ARFGAP2: variants seen among roughly 807,000 people sequenced by gnomAD.
ARFGAP2 encodes ADP-ribosylation factor GTPase-activating protein 2.
In ARFGAP2, 45 loss-of-function variants were observed where a neutral mutation model predicts 71.9. That is an observed-to-expected ratio of 0.63 (90% CI 0.49 to 0.80). The LOEUF (loss-of-function observed/expected upper bound fraction) is 0.80. ARFGAP2 is among the 30% of genes least tolerant of loss of function. ARFGAP2 has a pLI of 0.00. For missense variants in ARFGAP2, 633 were observed against 673.9 expected, an observed-to-expected ratio of 0.94 and a Z score of 0.67; for synonymous variants, 248 against 249.2, an observed-to-expected ratio of 1.00 and a Z score of 0.05.
intron 10 of ARFGAP2, among the ~76,000 whole-genome samples, chr11:47,170,368 G>A (rs566678970): frequency 5.3e-5 from 8 of 150,334 alleles, no homozygotes; most frequent in East Asian, 2.0e-4. Flanking sequence ...AAAGAAAGCC[G>A]GGCACCGTGG....
In ARFGAP2 at chr11:47,164,508, A is replaced by C. The variant is rs1259123608; in HGVS notation, c.*974T>G. 3.2e-6 allele frequency: 1 copy of C among 314,014 alleles called. No homozygotes were observed. Among genetic ancestry groups the C allele is most frequent in the Non-Finnish European group, 6.0e-6 (1 of 167,644 alleles). 19.5% of individuals were successfully genotyped at this position (314,014 alleles called of 1,614,324 possible). On this transcript the variant is annotated 3_prime_UTR_variant, in exon 16 of 16. Transcript: ENST00000524782. ...GGTGCGGCAGGGGAAGATGGCACCA[A>C]GAATGACAGTGCTTGGCTCAGCTGC... is the stretch of plus-strand genomic sequence containing the variant.
chr11:47,175,163 C>T lies in ARFGAP2; in HGVS notation c.396+19G>A, dbSNP rs757665880. ...ATACTCCTAACCCTCCTGCCCCAGC[C>T]CCAAGAACAGGCACTTACATCAGTG... On this transcript the variant is annotated intron_variant, in intron 4 of 15. Coordinates refer to ENST00000524782, the MANE Select transcript of ARFGAP2 (RefSeq NM_032389.6). 7 of 1,614,090 alleles carry T rather than the reference C, an allele frequency of 4.3e-6. No individual in the cohort carries two copies. The highest frequency in any genetic ancestry group is 1.7e-5 in the Admixed American group (1 of 60,022).
chr11:47,172,790 C>G, intron 7 of ARFGAP2: 2 of 1,290,272 alleles, frequency 1.6e-6, no homozygotes, highest in Non-Finnish European at 2.0e-6. Context: ...AAGAGGCCCA[C>G]CCCAGAGCCT....
At chr11:47,169,109 C>T (rs777212150) in intron 10 of ARFGAP2, among the ~76,000 whole-genome samples, 1 of 150,858 alleles carries the variant, frequency 6.6e-6, no homozygotes, top group Non-Finnish European at 1.5e-5. Flanking sequence ...GTCAGGAGAT[C>T]GAGACCATCC....
Position 47,173,479 on chromosome 11 carries a change from G to C in ARFGAP2, c.566C>G (p.Pro189Arg), listed in dbSNP as rs372871965. ...CAGGTCTGTGTTGGGGCCATGCTCC[G>C]GCTCTGTGGATGCAATGGTAGGAGT... ...PSTESSGLAQ[P>R]EHGPNTDLLG... is the part of the protein sequence containing the mutation. Residue 189 changes from proline to arginine, a missense_variant, in exon 7 of 16, where the codon CCG becomes CGG. Coordinates refer to ENST00000524782, the MANE Select transcript of ARFGAP2 (RefSeq NM_032389.6). 28 of 1,556,574 alleles carry C rather than the reference G, an allele frequency of 1.8e-5. 1 individual carries two copies. In the East Asian group the frequency reaches 6.2e-4, roughly 35 times the overall value.
At chr11:47,165,854 T>C (rs1440038897) in intron 15 of ARFGAP2, among the ~76,000 whole-genome samples, 1 of 151,684 alleles carries the variant, frequency 6.6e-6, no homozygotes, top group East Asian at 1.9e-4. Context: ...TGCCTCTCTC[T>C]AGACTCTTGC....
intron 10 of ARFGAP2, among the ~76,000 whole-genome samples, chr11:47,169,902 C>T (rs1005554133): frequency 6.6e-6 from 1 of 152,120 alleles, no homozygotes; most frequent in African/African-American, 2.4e-5. Context: ...ATGCCTTAAC[C>T]CCTTGGTCAT....
chr11:47,167,356 A>G (rs1952425892), intron 12 of ARFGAP2, among the ~76,000 whole-genome samples: 1 of 152,186 alleles, frequency 6.6e-6, no homozygotes. Context: ...TCTCACGCTG[A>G]GTATGTGGAC....
At chr11:47,166,441 C>G in intron 14 of ARFGAP2, 55 bp from the exon 15 acceptor site, 3 of 1,611,012 alleles carry the variant, frequency 1.9e-6, no homozygotes, top group Non-Finnish European at 2.5e-6. Context: ...TTCCCAGTCA[C>G]AGCAGGGCCC....
At chr11:47,175,728 A>G (rs1223319061) in intron 3 of ARFGAP2, 123 bp downstream of exon 3, 1 of 1,106,864 alleles carries the variant, frequency 9.0e-7, no homozygotes, top group Non-Finnish European at 1.4e-6. Flanking sequence ...AAAATAGCTT[A>G]TGGTGGTGTT....
intron 6 of ARFGAP2, 66 bp downstream of exon 6, chr11:47,173,693 C>T (rs1362255364): frequency 3.3e-5 from 50 of 1,528,120 alleles, no homozygotes; most frequent in Non-Finnish European, 4.2e-5. Context: ...GGCCAGATGT[C>T]CCCTTCCAAA....
In ARFGAP2 at chr11:47,168,047, G is replaced by A. The variant is rs764812714; in HGVS notation, c.1071-4C>T. 1.2e-6 allele frequency: 2 copies of A among 1,614,170 alleles called. No individual in the cohort carries two copies. Among genetic ancestry groups the A allele is most frequent in the South Asian group, 1.1e-5 (1 of 91,080 alleles). On this transcript the variant is annotated splice_polypyrimidine_tract_variant and splice_region_variant and intron_variant, in intron 11 of 15. Coordinates refer to ENST00000524782, the MANE Select transcript of ARFGAP2 (RefSeq NM_032389.6). ...GGAAAAGGGATTGTCCTTGTACCTA[G>A]GGAGACAGTAGAGTGGCTCAGAGAA...
chr11:47,168,534 T>C, intron 10 of ARFGAP2: 1 of 278,628 alleles, frequency 3.6e-6, no homozygotes, highest in Non-Finnish European at 6.9e-6. Context: ...TTTATTTATT[T>C]ATTTGAGACA....
intron 5 of ARFGAP2, 79 bp downstream of exon 5, chr11:47,174,936 C>G: frequency 6.8e-7 from 1 of 1,461,942 alleles, no homozygotes; most frequent in Non-Finnish European, 9.5e-7. Flanking sequence ...GAATCTACAA[C>G]CATGATCACA....
intron 8 of ARFGAP2, 114 bp from the exon 9 acceptor site, chr11:47,171,914 T>TA (rs765443502): frequency 4.0e-5 from 58 of 1,454,246 alleles, no homozygotes; most frequent in Non-Finnish European, 5.3e-5. Context: ...AAATTTAGGG[T>TA]AAAAAACAGG....
At chr11:47,166,709 C>T in intron 13 of ARFGAP2, 51 bp downstream of exon 13, 1 of 1,602,856 alleles carries the variant, frequency 6.2e-7, no homozygotes, top group Non-Finnish European at 8.5e-7. Context: ...AGGGAGAAAG[C>T]TCATGCTTCT....
chr11:47,165,536 GT>G, intron 15 of ARFGAP2, 34 bp from the exon 16 acceptor site: 1 of 1,439,484 alleles, frequency 6.9e-7, no homozygotes, highest in Non-Finnish European at 9.4e-7. Context: ...AAAAAAAAAA[GT>G]CAGAGGCTCT....
rs1453302345 is a variant in ARFGAP2 at position 47,167,143 on chromosome 11, CA to C, written c.1206-258del. Reference sequence around the variant, plus strand: ...GCCTGCAGTGGCCTAGGCTCCTGCCCAAAAGCACACAGCTTCGTCAGCATTC... The same window carrying C: ...GCCTGCAGTGGCCTAGGCTCCTGCCCAAAGCACACAGCTTCGTCAGCATTC... On this transcript the variant is annotated intron_variant, in intron 12 of 15. Transcript: ENST00000524782. Among the ~76,000 whole-genome samples, 3 of 152,306 alleles carry C rather than the reference CA, an allele frequency of 2.0e-5. No individual in the cohort carries two copies. The East Asian group carries it at 5.8e-4, about 29-fold the overall frequency.
At chr11:47,175,718 A>G in intron 3 of ARFGAP2, 133 bp downstream of exon 3, 1 of 1,054,212 alleles carries the variant, frequency 9.5e-7, no homozygotes, top group Non-Finnish European at 1.4e-6. Context: ...AAGTTTTCAG[A>G]AAATAGCTTA....
Sources: allele counts gnomAD v4.1 joint callset (sites outside exome capture counted in the v4.1 genomes callset), GRCh38; gene constraint gnomAD v4.1.1; transcripts MANE v1.5; gene names NCBI Gene and HGNC (gene_info 2026-07-23, HGNC 2026-07-21).